The following SEPTIN10 variants were observed in gnomAD, a reference collection of about 807,000 sequenced individuals.
SEPTIN10 encodes the protein septin-10.
In SEPTIN10, 66 loss-of-function variants were observed where a neutral mutation model predicts 54.8. The observed-to-expected ratio is 1.21, with a 90% confidence interval of 0.99 to 1.48. The LOEUF is 1.48. Ranked by LOEUF, SEPTIN10 falls within the 40% of genes most tolerant of loss-of-function variation. The pLI, the probability that SEPTIN10 is intolerant of heterozygous loss-of-function variation, is 0.00. For synonymous variants in SEPTIN10, 161 were observed against 181.0 expected, an observed-to-expected ratio of 0.89 and a Z score of 0.89; for missense variants, 620 against 545.6, an observed-to-expected ratio of 1.14 and a Z score of -1.36.
chr2:109,602,720 T>C (rs1444672281), intron 1 of SEPTIN10, among the ~76,000 whole-genome samples: 1 of 150,540 alleles, frequency 6.6e-6, no homozygotes, highest in Non-Finnish European at 1.5e-5. Context: ...TGGCTCGAAT[T>C]CCTTCAAAAG....
intron 2 of SEPTIN10, among the ~76,000 whole-genome samples, chr2:109,587,737 C>A (rs1692909927): frequency 6.6e-6 from 1 of 152,058 alleles, no homozygotes. Context: ...CACGGTGAAA[C>A]CCTGTGTCTA....
intron 7 of SEPTIN10, 72 bp from the exon 8 acceptor site, chr2:109,564,606 A>G: frequency 7.8e-7 from 1 of 1,280,830 alleles, no homozygotes; most frequent in Non-Finnish European, 1.0e-6. Context: ...TGTTTGCTGA[A>G]TGAACAAATA....
intron 8 of SEPTIN10, among the ~76,000 whole-genome samples, chr2:109,560,818 C>G (rs1438647911): frequency 1.3e-5 from 2 of 152,096 alleles, no homozygotes; most frequent in African/African-American, 4.8e-5. Flanking sequence ...TAGGCGTCTC[C>G]TTCTAGCCTC....
At chr2:109,571,711 C>G (rs576264337) in intron 5 of SEPTIN10, among the ~76,000 whole-genome samples, 4 of 152,086 alleles carry the variant, frequency 2.6e-5, no homozygotes, top group Non-Finnish European at 5.9e-5. Context: ...CTCAGGGTAT[C>G]GAAACCAATC....
chr2:109,560,888 G>T (rs967735298), intron 8 of SEPTIN10, among the ~76,000 whole-genome samples: 8 of 151,988 alleles, frequency 5.3e-5, no homozygotes, highest in Non-Finnish European at 8.8e-5. Context: ...TTACCTTCTA[G>T]TCATCTCTCA....
chr2:109,555,686 A>G (rs918420338), intron 8 of SEPTIN10, among the ~76,000 whole-genome samples: 1 of 152,190 alleles, frequency 6.6e-6, no homozygotes, highest in African/African-American at 2.4e-5. Context: ...GTTAGCAATA[A>G]TATGAACCTG....
At chr2:109,582,518 C>T (rs745754975) in intron 4 of SEPTIN10, among the ~76,000 whole-genome samples, 18 of 152,048 alleles carry the variant, frequency 1.2e-4, no homozygotes, top group Non-Finnish European at 1.0e-4. Context: ...GACGAGGTCC[C>T]ACCATGTTGC....
At chr2:109,544,415 C>T in intron 10 of SEPTIN10, 91 bp from the exon 11 acceptor site, 1 of 1,477,768 alleles carries the variant, frequency 6.8e-7, no homozygotes, top group East Asian at 2.3e-5. Context: ...TATAGGATAT[C>T]TGGCCATGGG....
chr2:109,609,220 T>C (rs535993415), intron 1 of SEPTIN10, among the ~76,000 whole-genome samples: 1 of 152,330 alleles, frequency 6.6e-6, no homozygotes, highest in East Asian at 1.9e-4. Context: ...TGCAAGCATT[T>C]ATAATTTATT....
intron 8 of SEPTIN10, among the ~76,000 whole-genome samples, chr2:109,561,315 G>A (rs746460973): frequency 5.9e-5 from 9 of 152,044 alleles, no homozygotes; most frequent in South Asian, 4.2e-4. Context: ...AAGTCTTCCC[G>A]AATTTTCCAG....
rs987616070 is a variant in SEPTIN10, at chr2:109,613,702, T to C, written c.30+96A>G. ...GGGCCGGAGGGGGCGCGGGTCACAA[T>C]CCCGGGCCGGACCAGGGGGCCGGTG... On this transcript the variant is annotated intron_variant, in intron 1 of 10. Transcript: ENST00000397712. 2.3e-3 allele frequency: 1,970 copies of C among 844,700 alleles called. 13 individuals are homozygous for C. The highest frequency in any genetic ancestry group is 1.8e-3 in the Non-Finnish European group (1,163 of 642,716). 52.3% of individuals were successfully genotyped at this position (844,700 alleles called of 1,614,324 possible).
intron 4 of SEPTIN10, among the ~76,000 whole-genome samples, chr2:109,579,651 G>A (rs531409061): frequency 6.6e-6 from 1 of 151,152 alleles, no homozygotes; most frequent in Non-Finnish European, 1.5e-5. Context: ...CCAAAGTGCT[G>A]GGATTACAGG....
chr2:109,545,185 T>C (rs1680868072), intron 10 of SEPTIN10: 1 of 984,992 alleles, frequency 1.0e-6, no homozygotes, highest in Admixed American at 6.2e-5. Flanking sequence ...GTAGCTAGAG[T>C]AAACTGAGGC....
chr2:109,544,965 T>C (rs921578976), intron 10 of SEPTIN10: 34 of 985,162 alleles, frequency 3.5e-5, no homozygotes, highest in Non-Finnish European at 4.0e-5. Context: ...CTGTAAAATA[T>C]ATAAGCCAAT....
intron 2 of SEPTIN10, among the ~76,000 whole-genome samples, chr2:109,592,790 A>AT (rs754032329): frequency 7.2e-5 from 11 of 151,912 alleles, no homozygotes; most frequent in Non-Finnish European, 1.5e-4. Flanking sequence ...AAAAAAAAAA[A>AT]GGAAACGAAA....
Position 109,542,830 on chromosome 2 carries a change from G to T in SEPTIN10, c.*1479C>A, listed in dbSNP as rs184333377. 2.8e-3 allele frequency among the ~76,000 whole-genome samples: 428 copies of T among 152,294 alleles called. 2 individuals are homozygous for T. The highest frequency in any genetic ancestry group is 9.6e-3 in the African/African-American group (400 of 41,552). On this transcript the variant is annotated 3_prime_UTR_variant, in exon 11 of 11. Coordinates refer to ENST00000397712, the MANE Select transcript of SEPTIN10 (RefSeq NM_144710.5). Reference sequence around the variant, plus strand: ...TATGCAAGGTTTTATTTACAACTTAGATGACTCTATGATTGCTCAGAATCT... The same window carrying T: ...TATGCAAGGTTTTATTTACAACTTATATGACTCTATGATTGCTCAGAATCT...
At chr2:109,551,238 G>A (rs1682881471) in intron 9 of SEPTIN10, among the ~76,000 whole-genome samples, 1 of 152,052 alleles carries the variant, frequency 6.6e-6, no homozygotes, top group Non-Finnish European at 1.5e-5. Context: ...ATAGAAATAT[G>A]GATTTATACA....
chr2:109,551,827 A>G (rs1273719150), intron 9 of SEPTIN10, among the ~76,000 whole-genome samples: 2 of 152,250 alleles, frequency 1.3e-5, no homozygotes, highest in Non-Finnish European at 2.9e-5. Flanking sequence ...TCAAGAAAAT[A>G]GCTTTACTCA....
chr2:109,578,447 A>C (rs1690240186), intron 4 of SEPTIN10, among the ~76,000 whole-genome samples: 1 of 152,212 alleles, frequency 6.6e-6, no homozygotes, highest in African/African-American at 2.4e-5. Flanking sequence ...TTCAGGATAA[A>C]ATAAAAATGG....
Sources: gnomAD v4.1 joint callset for allele counts (sites outside exome capture counted in the v4.1 genomes callset) on GRCh38, gnomAD v4.1.1 for gene constraint, MANE v1.5 for transcripts, NCBI Gene and HGNC (gene_info 2026-07-23, HGNC 2026-07-21) for gene names.